The following HSPA4 variants were observed in gnomAD, a reference collection of about 807,000 sequenced individuals.
The protein encoded by HSPA4 is heat shock 70 kDa protein 4.
Under a neutral mutation model 106.2 loss-of-function variants are expected in HSPA4, and 25 were observed. That is an observed-to-expected ratio of 0.24 (90% CI 0.17 to 0.33). The LOEUF is 0.33. HSPA4 is among the 10% of genes least tolerant of loss of function. The pLI is 1.00. For missense variants in HSPA4, 841 were observed against 996.0 expected (o/e 0.84, Z 2.10); for synonymous variants, 332 against 333.6 (o/e 1.00, Z 0.05).
chr5:133,101,655 T>G, intron 16 of HSPA4, 104 bp from the exon 17 acceptor site: 1 of 1,051,524 alleles, frequency 9.5e-7, no homozygotes, highest in Non-Finnish European at 1.4e-6. Context: ...TAACTTCTTA[T>G]ATATAGCACA....
At chr5:133,059,132 A>ATAG (rs923168206) in intron 1 of HSPA4, among the ~76,000 whole-genome samples, 1 of 147,374 alleles carries the variant, frequency 6.8e-6, no homozygotes, top group African/African-American at 2.5e-5. Flanking sequence ...CGTCTCAAAA[A>ATAG]TAGTAATAAT....
Position 133,106,292 on chromosome 5 carries a change from A to G in HSPA4, c.*1856A>G, listed in dbSNP as rs1444306856. ...CATGGAGGCCAGGACAGAGAGTGGT[A>G]ATTGATGGCTTGTGTACAGACAAGC... On this transcript the variant is annotated 3_prime_UTR_variant, in exon 19 of 19. Transcript: ENST00000304858. 6.6e-6 allele frequency: 1 copy of G among 151,114 alleles called. No homozygotes were observed. Among genetic ancestry groups the G allele is most frequent in the East Asian group, 1.9e-4 (1 of 5,144 alleles). The allele number at this position is 151,114 out of a possible 1,614,324, so 9.4% of individuals were successfully genotyped here. A position where few individuals can be genotyped will look rare whatever the true frequency, so the allele number is the denominator to read the frequency against.
chr5:133,087,579 C>T (rs981917423), intron 8 of HSPA4, among the ~76,000 whole-genome samples: 2 of 152,116 alleles, frequency 1.3e-5, no homozygotes, highest in African/African-American at 4.8e-5. Context: ...TTGATACACA[C>T]CTTCTTTCTG....
intron 7 of HSPA4, among the ~76,000 whole-genome samples, chr5:133,079,043 T>G (rs1765482954): frequency 1.3e-5 from 2 of 152,326 alleles, no homozygotes; most frequent in Non-Finnish European, 1.5e-5. Context: ...CCCCTTCATT[T>G]AGTCTTTTAA....
chr5:133,078,635 C>CAAA (rs57393822), intron 7 of HSPA4, among the ~76,000 whole-genome samples: 29 of 79,498 alleles, frequency 3.6e-4, no homozygotes, highest in African/African-American at 1.1e-3. Flanking sequence ...ACACTGTCTC[C>CAAA]AAAAAAAAAA....
intron 13 of HSPA4, among the ~76,000 whole-genome samples, chr5:133,094,301 T>G (rs1765684911): frequency 6.6e-6 from 1 of 152,196 alleles, no homozygotes; most frequent in African/African-American, 2.4e-5. Context: ...CTTAGGAGTT[T>G]CTAATTTTAA....
At chr5:133,054,236 T>C (rs1174285125) in intron 1 of HSPA4, among the ~76,000 whole-genome samples, 1 of 151,930 alleles carries the variant, frequency 6.6e-6, no homozygotes, top group Non-Finnish European at 1.5e-5. Flanking sequence ...GGAGTCTTAC[T>C]CTGTTCCCTA....
chr5:133,080,514 C>A (rs950778770), intron 7 of HSPA4, among the ~76,000 whole-genome samples: 1 of 150,138 alleles, frequency 6.7e-6, no homozygotes, highest in Non-Finnish European at 1.5e-5. Context: ...ACGCAGTGTG[C>A]CTTTTCATTA....
In HSPA4 at chr5:133,052,326, A is replaced by G; in HGVS notation, c.76A>G (p.Ile26Val). Reference sequence around the variant, plus strand: ...GGCCCGCGCCGGCGGCATCGAGACTATCGCTAATGAGTATAGCGACCGCTG... The same window carrying G: ...GGCCCGCGCCGGCGGCATCGAGACTGTCGCTAATGAGTATAGCGACCGCTG... ...AVARAGGIET[I>V]ANEYSDRCTP... Residue 26 changes from isoleucine (I) to valine (V), a missense_variant, in exon 1 of 19, where the codon ATC becomes GTC. Transcript: ENST00000304858. 6.3e-7 allele frequency: 1 copy of G among 1,582,114 alleles called. No homozygotes were observed. Among genetic ancestry groups the G allele is most frequent in the Non-Finnish European group, 8.6e-7 (1 of 1,166,654 alleles).
At chr5:133,102,581 G>A (rs1358665996) in intron 17 of HSPA4, among the ~76,000 whole-genome samples, 1 of 152,098 alleles carries the variant, frequency 6.6e-6, no homozygotes. Context: ...AACATTCAGG[G>A]TCACTAAATT....
chr5:133,097,062 AT>A, intron 14 of HSPA4, 98 bp from the exon 15 acceptor site: 1 of 935,860 alleles, frequency 1.1e-6, no homozygotes. Flanking sequence ...AACTAAAAGG[AT>A]TTGGGGAAGA....
At chr5:133,078,569 A>AG in intron 7 of HSPA4, among the ~76,000 whole-genome samples, 2 of 145,530 alleles carry the variant, frequency 1.4e-5, no homozygotes, top group African/African-American at 5.1e-5. Flanking sequence ...TGGGAGATGA[A>AG]GGTTGCAGTG....
chr5:133,063,680 G>A (rs538768394), intron 1 of HSPA4, among the ~76,000 whole-genome samples: 19 of 152,202 alleles, frequency 1.2e-4, no homozygotes, highest in South Asian at 4.1e-4. Context: ...TGATCTGCCC[G>A]CCTCGGCCCC....
intron 1 of HSPA4, among the ~76,000 whole-genome samples, chr5:133,056,927 T>A (rs1214304797): frequency 1.3e-5 from 2 of 152,212 alleles, no homozygotes; most frequent in East Asian, 3.8e-4. Context: ...TGCCTGGGAT[T>A]CAGTAAATAC....
At chr5:133,072,400 T>G (rs867145731) in intron 4 of HSPA4, among the ~76,000 whole-genome samples, 7 of 133,234 alleles carry the variant, frequency 5.3e-5, no homozygotes, top group East Asian at 2.0e-4. Flanking sequence ...TTGTTTTTTT[T>G]TTTTTTTTTT....
At chr5:133,056,786 T>G (rs1178494252) in intron 1 of HSPA4, among the ~76,000 whole-genome samples, 2 of 152,200 alleles carry the variant, frequency 1.3e-5, no homozygotes, top group Non-Finnish European at 2.9e-5. Context: ...CCAGAATTCT[T>G]TACACAAATA....
intron 1 of HSPA4, among the ~76,000 whole-genome samples, chr5:133,057,406 T>G (rs1416813229): frequency 6.6e-6 from 1 of 151,644 alleles, no homozygotes; most frequent in African/African-American, 2.4e-5. Context: ...TTGCTCAGGC[T>G]GGAGTGCAAT....
chr5:133,060,411 G>A (rs1016070599), intron 1 of HSPA4, among the ~76,000 whole-genome samples: 1 of 151,594 alleles, frequency 6.6e-6, no homozygotes, highest in African/African-American at 2.4e-5. Context: ...CGCCCAGGCC[G>A]GAATGCAGTG....
At chr5:133,089,933 G>A (rs1288359958) in intron 11 of HSPA4, among the ~76,000 whole-genome samples, 2 of 152,220 alleles carry the variant, frequency 1.3e-5, no homozygotes, top group East Asian at 3.9e-4. Flanking sequence ...AAATTTAGGG[G>A]CTTTAGATTG....
Sources: allele counts gnomAD v4.1 joint callset (sites outside exome capture counted in the v4.1 genomes callset), GRCh38; gene constraint gnomAD v4.1.1; transcripts MANE v1.5; gene names NCBI Gene and HGNC (gene_info 2026-07-23, HGNC 2026-07-21).